L3MBTL4: variants seen among roughly 807,000 people sequenced by gnomAD.
The protein encoded by L3MBTL4 is lethal(3)malignant brain tumor-like protein 4.
L3MBTL4 carries 70 observed loss-of-function variants against 84.5 expected under a neutral mutation model. The ratio of observed to expected loss-of-function variants is 0.83; its 90% CI spans 0.68 to 1.01. The LOEUF (loss-of-function observed/expected upper bound fraction) is 1.01, where lower values mean the gene tolerates loss of function less well. Among genes scored for constraint, L3MBTL4 ranks in the 50% least tolerant of loss-of-function variants. The probability of loss-of-function intolerance (pLI) is 0.00; values close to 1 mark genes in which losing one functional copy is unlikely to be tolerated. For missense variants in L3MBTL4, 715 were observed against 754.8 expected (o/e 0.95, Z 0.62); for synonymous variants, 274 against 259.8 (o/e 1.05, Z -0.52).
chr18:6,358,533 C>T (rs1408191579), intron 1 of L3MBTL4, among the ~76,000 whole-genome samples: 2 of 152,212 alleles, frequency 1.3e-5, no homozygotes, highest in Non-Finnish European at 2.9e-5. Flanking sequence ...TAAAGGAAGT[C>T]ACCCAAAAAG....
intron 10 of L3MBTL4, among the ~76,000 whole-genome samples, chr18:6,223,294 T>C (rs1212070848): frequency 6.6e-6 from 1 of 152,196 alleles, no homozygotes; most frequent in African/African-American, 2.4e-5. Context: ...CTGTGTTCCC[T>C]TCTAAATGCC....
At chr18:6,402,521 A>G (rs568450436) in intron 1 of L3MBTL4, among the ~76,000 whole-genome samples, 17 of 152,258 alleles carry the variant, frequency 1.1e-4, no homozygotes, top group Middle Eastern at 3.4e-3. Context: ...TACAAAATCT[A>G]TCTACAAGGC....
intron 16 of L3MBTL4, among the ~76,000 whole-genome samples, chr18:6,033,034 C>T (rs2055915166): frequency 6.6e-6 from 1 of 152,122 alleles, no homozygotes; most frequent in African/African-American, 2.4e-5. Flanking sequence ...GGTTAGATAG[C>T]TGCTTCATTG....
At chr18:6,214,108 C>T (rs1350954432) in intron 11 of L3MBTL4, among the ~76,000 whole-genome samples, 1 of 152,190 alleles carries the variant, frequency 6.6e-6, no homozygotes, top group Admixed American at 6.5e-5. Context: ...TAAAAGCATA[C>T]TATGATGTAC....
chr18:6,314,077 G>A (rs1163657855), intron 1 of L3MBTL4, among the ~76,000 whole-genome samples: 2 of 147,428 alleles, frequency 1.4e-5, no homozygotes, highest in East Asian at 3.9e-4. Context: ...TAGATAGATA[G>A]ATAGATAGTC....
chr18:5,987,140 A>C (rs1567952084), intron 16 of L3MBTL4, among the ~76,000 whole-genome samples: 1 of 152,190 alleles, frequency 6.6e-6, no homozygotes, highest in Non-Finnish European at 1.5e-5. Context: ...CAGCTGCCTC[A>C]TCAGTGCTTG....
chr18:6,314,403 A>G (rs897699940), intron 1 of L3MBTL4, among the ~76,000 whole-genome samples: 2 of 152,222 alleles, frequency 1.3e-5, no homozygotes, highest in Non-Finnish European at 2.9e-5. Flanking sequence ...ATCCAGGGAA[A>G]GTAAAGGTAT....
chr18:6,408,102 A>G (rs2055811299), intron 1 of L3MBTL4, among the ~76,000 whole-genome samples: 1 of 152,212 alleles, frequency 6.6e-6, no homozygotes. Context: ...TAAACAATGG[A>G]AAACTGTGAA....
intron 1 of L3MBTL4, among the ~76,000 whole-genome samples, chr18:6,335,740 A>G (rs1007657443): frequency 3.3e-5 from 5 of 152,152 alleles, no homozygotes; most frequent in African/African-American, 4.8e-5. Context: ...ATGGTTTTAT[A>G]AGCATTTGAC....
intron 16 of L3MBTL4, among the ~76,000 whole-genome samples, chr18:5,987,102 C>T (rs767747498): frequency 6.6e-6 from 1 of 152,196 alleles, no homozygotes; most frequent in Admixed American, 6.5e-5. Flanking sequence ...CAGCCTCAGG[C>T]GACCAAGCCT....
chr18:5,998,193 C>T lies in L3MBTL4; in HGVS notation c.1445-28631G>A, dbSNP rs16949210. 2.6e-3 allele frequency among the ~76,000 whole-genome samples: 391 copies of T among 152,284 alleles called. 3 individuals carry two copies. Among genetic ancestry groups the T allele is most frequent in the African/African-American group, 9.0e-3 (373 of 41,562 alleles). On this transcript the variant is annotated intron_variant, in intron 16 of 18. Transcript: ENST00000317931. Reference sequence around the variant, plus strand: ...AGGTGGCCAGGTATGGCCGATGCTGCATCCTAAATACTTGCTACTGTCAAA... The same window carrying T: ...AGGTGGCCAGGTATGGCCGATGCTGTATCCTAAATACTTGCTACTGTCAAA...
At chr18:6,266,625 T>C (rs1403696237) in intron 4 of L3MBTL4, among the ~76,000 whole-genome samples, 1 of 152,166 alleles carries the variant, frequency 6.6e-6, no homozygotes, top group African/African-American at 2.4e-5. Context: ...GTAAACTTTT[T>C]GTCGTTAAAA....
At chr18:6,156,945 C>T (rs2043129665) in intron 13 of L3MBTL4, among the ~76,000 whole-genome samples, 1 of 152,192 alleles carries the variant, frequency 6.6e-6, no homozygotes, top group Non-Finnish European at 1.5e-5. Flanking sequence ...CATCCAACAA[C>T]TAAGTTATAG....
chr18:6,108,318 A>C (rs1034750810), intron 14 of L3MBTL4, among the ~76,000 whole-genome samples: 2 of 152,174 alleles, frequency 1.3e-5, no homozygotes, highest in Non-Finnish European at 2.9e-5. Context: ...ATAATATTCA[A>C]AACAGCAGAA....
chr18:6,029,529 G>T, intron 16 of L3MBTL4: 2 of 984,802 alleles, frequency 2.0e-6, no homozygotes, highest in Non-Finnish European at 1.2e-6. Context: ...TTAGGTGGAG[G>T]ACATCAAGGA....
intron 12 of L3MBTL4, among the ~76,000 whole-genome samples, chr18:6,198,704 G>T (rs2045516431): frequency 6.6e-6 from 1 of 152,138 alleles, no homozygotes; most frequent in Admixed American, 6.6e-5. Context: ...AGTATTAAAT[G>T]AAGATATCTC....
chr18:5,994,126 G>A (rs534531490), intron 16 of L3MBTL4, among the ~76,000 whole-genome samples: 1 of 152,240 alleles, frequency 6.6e-6, no homozygotes, highest in Non-Finnish European at 1.5e-5. Flanking sequence ...TCTGCTCCTG[G>A]GGCATGCAGG....
At chr18:6,080,591 C>T (rs1372008375) in intron 16 of L3MBTL4, among the ~76,000 whole-genome samples, 5 of 152,194 alleles carry the variant, frequency 3.3e-5, no homozygotes, top group South Asian at 2.1e-4. Context: ...TGGGATTCAA[C>T]CATTGAACCT....
intron 16 of L3MBTL4, among the ~76,000 whole-genome samples, chr18:6,054,563 A>C (rs953914157): frequency 1.1e-4 from 16 of 151,692 alleles, no homozygotes; most frequent in African/African-American, 3.9e-4. Flanking sequence ...CTGACACTTC[A>C]TTCCCCTCAT....
Sources: allele counts gnomAD v4.1 joint callset (sites outside exome capture counted in the v4.1 genomes callset), GRCh38; gene constraint gnomAD v4.1.1; transcripts MANE v1.5; gene names NCBI Gene and HGNC (gene_info 2026-07-23, HGNC 2026-07-21).